COG6: variants seen among roughly 807,000 people sequenced by gnomAD.
The protein encoded by COG6 is conserved oligomeric Golgi complex subunit 6.
In COG6, 74 loss-of-function variants were observed where a neutral mutation model predicts 88.8. The observed-to-expected ratio is 0.83, with a 90% confidence interval of 0.69 to 1.01. The LOEUF is 1.01. COG6 is among the 50% of genes least tolerant of loss of function. The probability of loss-of-function intolerance (pLI) is 0.00; values close to 1 mark genes in which losing one functional copy is unlikely to be tolerated. For synonymous variants in COG6, 286 were observed against 278.7 expected (o/e 1.03, Z -0.26); for missense variants, 800 against 797.9 (o/e 1.00, Z -0.03).
chr13:39,748,052 A>C (rs571283868), intron 18 of COG6, among the ~76,000 whole-genome samples: 12 of 152,300 alleles, frequency 7.9e-5, no homozygotes, highest in South Asian at 6.2e-4. Context: ...GATTGAGTAT[A>C]GACTTGAGTA....
intron 18 of COG6, among the ~76,000 whole-genome samples, chr13:39,774,008 G>A (rs1265922685): frequency 1.3e-5 from 2 of 152,008 alleles, no homozygotes; most frequent in African/African-American, 2.4e-5. Flanking sequence ...TGACTGTACA[G>A]GCTTCGAAAC....
chr13:39,666,739 A>G (rs147759384), intron 4 of COG6, among the ~76,000 whole-genome samples: 396 of 152,348 alleles, frequency 2.6e-3, no homozygotes, highest in African/African-American at 9.2e-3. Flanking sequence ...CTCAGAGATC[A>G]ACTGGAATGA....
At position 39,679,529 on chromosome 13, in the gene COG6, A is replaced by AT; in HGVS notation, c.541-5dup. 1 of 1,493,882 alleles carries AT rather than the reference A, an allele frequency of 6.7e-7. No individual in the cohort carries two copies. The highest frequency in any genetic ancestry group is 9.3e-7 in the Non-Finnish European group (1 of 1,070,638). The allele number at this position is 1,493,882 out of a possible 1,614,324, so 92.5% of individuals were successfully genotyped here. ...GCATGGACATAAAGTCACATTCTTA[A>AT]TTTTAAAGGATTTTTTCAAGGCACT... On this transcript the variant is annotated splice_polypyrimidine_tract_variant and intron_variant, in intron 5 of 18. Coordinates refer to ENST00000455146, the MANE Select transcript of COG6 (RefSeq NM_020751.3).
chr13:39,669,763 A>G (rs1279855249), intron 4 of COG6, among the ~76,000 whole-genome samples: 2 of 152,098 alleles, frequency 1.3e-5, no homozygotes, highest in Non-Finnish European at 2.9e-5. Flanking sequence ...TATGTTTATT[A>G]TTTTAGTAAG....
chr13:39,762,287 C>T (rs964857882), intron 18 of COG6, among the ~76,000 whole-genome samples: 5 of 151,848 alleles, frequency 3.3e-5, no homozygotes, highest in Non-Finnish European at 3.0e-5. Context: ...ACTGCATGTT[C>T]TCACTCAGGT....
At chr13:39,708,982 T>C (rs1230650039) in intron 13 of COG6, among the ~76,000 whole-genome samples, 3 of 152,132 alleles carry the variant, frequency 2.0e-5, no homozygotes, top group African/African-American at 7.2e-5. Flanking sequence ...GGGTGAGCAA[T>C]TGATGGGGCT....
At chr13:39,697,488 A>G (rs1461766358) in intron 12 of COG6, among the ~76,000 whole-genome samples, 1 of 151,980 alleles carries the variant, frequency 6.6e-6, no homozygotes, top group Non-Finnish European at 1.5e-5. Flanking sequence ...TGCTTGGATT[A>G]TATATCCTTT....
intron 6 of COG6, 113 bp downstream of exon 6, chr13:39,679,733 T>C: frequency 1.3e-6 from 1 of 764,380 alleles, no homozygotes; most frequent in Non-Finnish European, 2.3e-6. Flanking sequence ...AAGTTTAATC[T>C]TTATTTATCT....
intron 3 of COG6, among the ~76,000 whole-genome samples, chr13:39,661,436 C>T (rs1051575581): frequency 1.3e-5 from 2 of 152,122 alleles, no homozygotes; most frequent in Admixed American, 6.5e-5. Flanking sequence ...ATGTCTACTG[C>T]CTTCACATTT....
intron 18 of COG6, among the ~76,000 whole-genome samples, chr13:39,758,380 GT>G (rs933015006): frequency 1.3e-4 from 20 of 152,040 alleles, no homozygotes; most frequent in African/African-American, 4.8e-4. Flanking sequence ...GGGGCATCAA[GT>G]TCTTCCTTGA....
intron 13 of COG6, among the ~76,000 whole-genome samples, chr13:39,707,923 G>A (rs996590108): frequency 1.3e-5 from 2 of 152,048 alleles, no homozygotes; most frequent in East Asian, 3.8e-4. Context: ...TGGAATATCT[G>A]GATTATAAGA....
rs1205865883 is a variant in COG6 at position 39,783,956 on chromosome 13, G to A, written c.1827-4379G>A. ...TTTTCATTCTAGCCTACAGGAAGTG[G>A]AAGCTAGGCTGGAAGTGGCCCCAAA... is the stretch of plus-strand genomic sequence containing the variant. On this transcript the variant is annotated intron_variant, in intron 18 of 18. Coordinates refer to the COG6 transcript ENST00000416691. Among the ~76,000 whole-genome samples, 3 of 152,174 alleles carry A rather than the reference G, an allele frequency of 2.0e-5. No individual in the cohort carries two copies. In the South Asian group the frequency reaches 6.2e-4, roughly 32 times the overall value.
chr13:39,731,404 T>A (rs1879445869), intron 18 of COG6, among the ~76,000 whole-genome samples: 1 of 152,206 alleles, frequency 6.6e-6, no homozygotes, highest in Non-Finnish European at 1.5e-5. Flanking sequence ...TAAAGAATTC[T>A]TCCCTTTGGA....
intron 4 of COG6, among the ~76,000 whole-genome samples, chr13:39,676,199 A>G (rs1441971548): frequency 2.0e-5 from 3 of 151,968 alleles, no homozygotes; most frequent in African/African-American, 7.2e-5. Context: ...ATCTTCCCCA[A>G]CCTCTGATAA....
chr13:39,701,542 G>A (rs1877578817), intron 13 of COG6, among the ~76,000 whole-genome samples: 1 of 151,840 alleles, frequency 6.6e-6, no homozygotes, highest in Non-Finnish European at 1.5e-5. Flanking sequence ...AGAGAGGATG[G>A]CCAGAGAGGC....
At position 39,675,475 on chromosome 13, in the gene COG6, CACT is replaced by C. The variant is rs145884313; in HGVS notation, c.429-1989_429-1987del. Among the ~76,000 whole-genome samples, 41 of 152,220 alleles carry C rather than the reference CACT, an allele frequency of 2.7e-4. No homozygotes were observed. In the East Asian group the frequency reaches 7.7e-3, roughly 29 times the overall value. On this transcript the variant is annotated intron_variant, in intron 4 of 18. Transcript: ENST00000455146. The stretch of plus-strand genomic sequence containing the variant: ...TAAAAAATATATTAGAATTTATTGT[CACT>C]ACTTTTAAAGTTACCATCTTGATAT...
exon 19 of COG6, chr13:39,791,369 A>T (rs997203461): frequency 6.6e-6 from 1 of 152,110 alleles, no homozygotes. Flanking sequence ...GTATTTTAGT[A>T]ACAGATTTCC....
chr13:39,725,562 A>G (rs888037462), intron 17 of COG6, among the ~76,000 whole-genome samples: 1 of 151,904 alleles, frequency 6.6e-6, no homozygotes, highest in African/African-American at 2.4e-5. Context: ...AACAAATGCA[A>G]AGAAGAAGGT....
intron 1 of COG6, among the ~76,000 whole-genome samples, chr13:39,657,152 C>G (rs1874567937): frequency 6.6e-6 from 1 of 152,184 alleles, no homozygotes; most frequent in Admixed American, 6.5e-5. Flanking sequence ...CTGCCTCAGC[C>G]TCCCAAGTAG....
Sources: gnomAD v4.1 joint callset for allele counts (sites outside exome capture counted in the v4.1 genomes callset) on GRCh38, gnomAD v4.1.1 for gene constraint, MANE v1.5 for transcripts, NCBI Gene and HGNC (gene_info 2026-07-23, HGNC 2026-07-21) for gene names.